The following TP53INP1 variants were observed in gnomAD, a reference collection of about 807,000 sequenced individuals.
TP53INP1 encodes the protein tumor protein p53-inducible nuclear protein 1.
TP53INP1 carries 12 observed loss-of-function variants against 21.0 expected under a neutral mutation model. The observed-to-expected ratio is 0.57, with a 90% confidence interval of 0.37 to 0.93. The LOEUF is 0.93. Ranked by LOEUF, TP53INP1 falls within the 40% of genes least tolerant of loss-of-function variation. The pLI, the probability that TP53INP1 is intolerant of heterozygous loss-of-function variation, is 0.01. For synonymous variants in TP53INP1, 91 were observed against 94.8 expected (o/e 0.96, Z 0.23); for missense variants, 274 against 294.7 (o/e 0.93, Z 0.51).
At chr8:94,947,215 G>A (rs1822094785) in intron 1 of TP53INP1, among the ~76,000 whole-genome samples, 1 of 151,406 alleles carries the variant, frequency 6.6e-6, no homozygotes, top group South Asian at 2.1e-4. Context: ...TCAACTATGG[G>A]TCTACGAACT....
chr8:94,941,044 A>G lies in TP53INP1; in HGVS notation c.-103T>C. ...TGGTACCGACAGGAGATTAAAGTGCACAGGGTGCTTATTCAACTTAGGTGA... is the reference window on the plus strand; with the variant it reads ...TGGTACCGACAGGAGATTAAAGTGCGCAGGGTGCTTATTCAACTTAGGTGA... On this transcript the variant is annotated 5_prime_UTR_variant, in exon 2 of 4. Coordinates refer to ENST00000342697, the MANE Select transcript of TP53INP1 (RefSeq NM_033285.4). The G allele has an allele frequency of 1.3e-6, 1 of 779,302 alleles. No homozygotes were observed. The highest frequency in any genetic ancestry group is 2.1e-6 in the Non-Finnish European group (1 of 472,176). 48.3% of individuals were successfully genotyped at this position (779,302 alleles called of 1,614,324 possible).
chr8:94,946,409 C>G (rs1713669), intron 1 of TP53INP1, among the ~76,000 whole-genome samples: 51,176 of 151,656 alleles, frequency 0.34, 9,365 homozygotes, highest in Non-Finnish European at 0.41. Flanking sequence ...TACTTAAAGA[C>G]TGGCTCTGAG....
Position 94,928,799 on chromosome 8 carries a change from C to T in TP53INP1, c.*1680G>A, listed in dbSNP as rs1205247769. ...TCCCCCAGGGTTCCCTGCATCAAGC[C>T]ACTACAGGGTTATTGAAAAATATAA... is the stretch of plus-strand genomic sequence containing the variant. On this transcript the variant is annotated 3_prime_UTR_variant, in exon 4 of 4. Transcript: ENST00000342697. 1.3e-5 allele frequency: 2 copies of T among 152,254 alleles called. No homozygotes were observed. Among genetic ancestry groups the T allele is most frequent in the African/African-American group, 4.8e-5 (2 of 41,440 alleles). 9.4% of individuals were successfully genotyped at this position (152,254 alleles called of 1,614,324 possible). A position where few individuals can be genotyped will look rare whatever the true frequency, so the allele number is the denominator to read the frequency against.
chr8:94,940,367 G>A (rs1008333651), intron 2 of TP53INP1, 147 bp from the exon 3 acceptor site: 25 of 911,244 alleles, frequency 2.7e-5, no homozygotes, highest in Middle Eastern at 5.8e-4. Flanking sequence ...TGATGCTCAC[G>A]TATCTTCTTT....
intron 3 of TP53INP1, among the ~76,000 whole-genome samples, chr8:94,939,139 C>T (rs1393787291): frequency 6.6e-6 from 1 of 152,122 alleles, no homozygotes; most frequent in Non-Finnish European, 1.5e-5. Flanking sequence ...TTGTTAAATT[C>T]TCAGACAAGG....
At chr8:94,943,057 T>C (rs1014194357) in intron 1 of TP53INP1, among the ~76,000 whole-genome samples, 5 of 152,062 alleles carry the variant, frequency 3.3e-5, no homozygotes, top group Non-Finnish European at 7.4e-5. Context: ...ATATGGTAAA[T>C]TGGGGGGATA....
intron 1 of TP53INP1, among the ~76,000 whole-genome samples, chr8:94,943,560 T>C (rs771067231): frequency 1.3e-5 from 2 of 152,238 alleles, no homozygotes; most frequent in Non-Finnish European, 2.9e-5. Context: ...CACCTCTTTT[T>C]ATCACAAGCA....
At position 94,941,022 on chromosome 8, in the gene TP53INP1, T is replaced by C; in HGVS notation, c.-81A>G. 9.8e-7 allele frequency: 1 copy of C among 1,019,596 alleles called. No individual in the cohort carries two copies. Among genetic ancestry groups the C allele is most frequent in the Non-Finnish European group, 1.5e-6 (1 of 664,838 alleles). The allele number at this position is 1,019,596 out of a possible 1,614,324, so 63.2% of individuals were successfully genotyped here. ...ACCTTGTCTTTAGTTGGCCCAATGGTACCGACAGGAGATTAAAGTGCACAG... is the reference window on the plus strand; with the variant it reads ...ACCTTGTCTTTAGTTGGCCCAATGGCACCGACAGGAGATTAAAGTGCACAG... On this transcript the variant is annotated 5_prime_UTR_variant, in exon 2 of 4. Transcript: ENST00000342697.
intron 1 of TP53INP1, among the ~76,000 whole-genome samples, chr8:94,947,382 G>A (rs940669055): frequency 2.0e-5 from 3 of 151,350 alleles, no homozygotes; most frequent in Non-Finnish European, 4.4e-5. Flanking sequence ...GTGGCTAAAC[G>A]TACCGTCATT....
intron 3 of TP53INP1, among the ~76,000 whole-genome samples, chr8:94,933,381 A>G (rs1820618980): frequency 6.6e-6 from 1 of 152,132 alleles, no homozygotes; most frequent in African/African-American, 2.4e-5. Flanking sequence ...ACAACCTTGA[A>G]AAAGAAGGAA....
Position 94,926,064 on chromosome 8 carries a change from G to A in TP53INP1, c.*4415C>T, listed in dbSNP as rs1388170874. The A allele has an allele frequency of 6.6e-6, 1 of 152,586 alleles. No homozygotes were observed. The highest frequency in any genetic ancestry group is 1.5e-5 in the Non-Finnish European group (1 of 68,036). 9.5% of individuals were successfully genotyped at this position (152,586 alleles called of 1,614,324 possible). The stretch of plus-strand genomic sequence containing the variant: ...CACAACCCAATTACAAAGAACAGGT[G>A]TTAACACACAATGTTTAAACAATGC... On this transcript the variant is annotated 3_prime_UTR_variant, in exon 4 of 4. Transcript: ENST00000342697.
Position 94,927,722 on chromosome 8 carries a change from C to T in TP53INP1, c.*2757G>A, listed in dbSNP as rs1008396223. On this transcript the variant is annotated 3_prime_UTR_variant, in exon 4 of 4. Transcript: ENST00000342697. The stretch of plus-strand genomic sequence containing the variant: ...CAAAAACAAACTTTGAGAAACATGG[C>T]GCACTATAAAAGCTAAGAAACTCAT... 5.9e-5 allele frequency: 9 copies of T among 152,224 alleles called. No individual in the cohort carries two copies. The highest frequency in any genetic ancestry group is 4.8e-5 in the African/African-American group (2 of 41,380). The allele number at this position is 152,224 out of a possible 1,614,324, so 9.4% of individuals were successfully genotyped here.
chr8:94,942,578 A>G (rs949033213), intron 1 of TP53INP1, among the ~76,000 whole-genome samples: 1 of 152,228 alleles, frequency 6.6e-6, no homozygotes, highest in Non-Finnish European at 1.5e-5. Flanking sequence ...CAGGTCAACT[A>G]TTATTCTACA....
intron 3 of TP53INP1, among the ~76,000 whole-genome samples, chr8:94,938,790 TC>T (rs1254717938): frequency 6.6e-6 from 1 of 152,070 alleles, no homozygotes; most frequent in South Asian, 2.1e-4. Flanking sequence ...GTAAACATGT[TC>T]CCCCAAGTTC....
Position 94,928,037 on chromosome 8 carries a change from A to C in TP53INP1, c.*2442T>G, listed in dbSNP as rs969084801. 1 of 152,356 alleles carries C rather than the reference A, an allele frequency of 6.6e-6. No homozygotes were observed. 9.4% of individuals were successfully genotyped at this position (152,356 alleles called of 1,614,324 possible). ...AGGAGATGCCTAACATCTAATAACC[A>C]AGAGTTTCAACTGAATTATATAACC... On this transcript the variant is annotated 3_prime_UTR_variant, in exon 4 of 4. Transcript: ENST00000342697.
intron 3 of TP53INP1, among the ~76,000 whole-genome samples, chr8:94,933,764 A>G (rs1222723451): frequency 6.7e-6 from 1 of 148,878 alleles, no homozygotes; most frequent in East Asian, 2.0e-4. Context: ...GACTCTCTCA[A>G]AAAAAACCCC....
Position 94,926,380 on chromosome 8 carries a change from T to C in TP53INP1, c.*4099A>G, listed in dbSNP as rs1163492035. On this transcript the variant is annotated 3_prime_UTR_variant, in exon 4 of 4. Coordinates refer to ENST00000342697, the MANE Select transcript of TP53INP1 (RefSeq NM_033285.4). ...ATGCCCTGCCCCTATAAAGGAAATA[T>C]GTTCACAATTTTACTTGAGAAAAAA... 3 of 150,734 alleles carry C rather than the reference T, an allele frequency of 2.0e-5. No individual in the cohort carries two copies. Among genetic ancestry groups the C allele is most frequent in the Admixed American group, 6.7e-5 (1 of 14,968 alleles). 9.3% of individuals were successfully genotyped at this position (150,734 alleles called of 1,614,324 possible). A position where few individuals can be genotyped will look rare whatever the true frequency, so the allele number is the denominator to read the frequency against.
intron 1 of TP53INP1, among the ~76,000 whole-genome samples, chr8:94,946,696 C>CAAAAAAAAAAAAAAAAAAAAAACAAAAAA (rs1822030333): frequency 2.9e-5 from 1 of 34,688 alleles, no homozygotes; most frequent in Non-Finnish European, 5.3e-5. Flanking sequence ...GACCCTGTCT[C>CAAAAAAAAAAAAAAAAAAAAAACAAAAAA]AAAAAAAAAA....
intron 3 of TP53INP1, among the ~76,000 whole-genome samples, chr8:94,936,216 T>G (rs1050521844): frequency 2.0e-5 from 3 of 152,240 alleles, no homozygotes; most frequent in Non-Finnish European, 4.4e-5. Flanking sequence ...ATACCCATGC[T>G]GTGTTTGGTG....
Sources: gnomAD v4.1 joint callset for allele counts (sites outside exome capture counted in the v4.1 genomes callset) on GRCh38, gnomAD v4.1.1 for gene constraint, MANE v1.5 for transcripts, NCBI Gene and HGNC (gene_info 2026-07-23, HGNC 2026-07-21) for gene names.